Variants in TRIO observed in about 807,000 individuals in gnomAD.
The protein encoded by TRIO is triple functional domain protein.
In TRIO, 58 loss-of-function variants were observed where a neutral mutation model predicts 351.9. The ratio of observed to expected loss-of-function variants is 0.16; its 90% confidence interval spans 0.13 to 0.21. The LOEUF (loss-of-function observed/expected upper bound fraction) is 0.21. Ranked by LOEUF, TRIO falls within the 10% of genes least tolerant of loss-of-function variation. The pLI, the probability that TRIO is intolerant of heterozygous loss-of-function variation, is 1.00. For synonymous variants in TRIO, 1,758 were observed against 1,595.7 expected, an observed-to-expected ratio of 1.10 and a Z score of -2.42; for missense variants, 3,201 against 4,027.8, an observed-to-expected ratio of 0.79 and a Z score of 5.56.
Position 14,498,555 on chromosome 5 carries a change from G to A in TRIO, c.8247G>A (p.Val2749=). The part of the protein sequence containing the change: ...LGEATLKIVG[V]TTEDDGIYTC... ...AGGCCACGCTGAAGATTGTGGGCGT[G>A]ACCACGGAAGATGACGGCATCTACA... The change falls in exon 53 of 57, where the codon GTG becomes GTA. Residue 2749 remains valine (V), a synonymous_variant. Transcript: ENST00000344204. The A allele has an allele frequency of 6.2e-7, 1 of 1,613,806 alleles. No individual in the cohort carries two copies. The highest frequency in any genetic ancestry group is 8.5e-7 in the Non-Finnish European group (1 of 1,179,924).
intron 1 of TRIO, among the ~76,000 whole-genome samples, chr5:14,217,722 G>A (rs760705442): frequency 6.6e-6 from 1 of 152,156 alleles, no homozygotes; most frequent in Non-Finnish European, 1.5e-5. Context: ...GGCACTTGCT[G>A]CAGCCCTGTG....
Position 14,487,556 on chromosome 5 carries a change from G to C in TRIO, c.6928G>C (p.Gly2310Arg). The C allele has an allele frequency of 5.5e-6, 6 of 1,092,434 alleles. No individual in the cohort carries two copies. Among genetic ancestry groups the C allele is most frequent in the Non-Finnish European group, 6.7e-6 (6 of 890,628 alleles). 67.7% of individuals were successfully genotyped at this position (1,092,434 alleles called of 1,614,324 possible). ...CAGCGGCGGGGGTGGGGGCAGCGGC[G>C]GCGGCGGGGCCCCCAGTGGCGGCAG... Reference protein sequence around the residue: ...GGSGGGGGSGGGGAPSGGSGH... With the variant: ...GGSGGGGGSGRGGAPSGGSGH... The change falls in exon 48 of 57, where the codon GGC (glycine) becomes CGC (arginine). Residue 2310 changes from glycine to arginine, a missense_variant. Physicochemically the swap from Gly to Arg is moderately radical, Grantham distance 125 (BLOSUM62 -2). Transcript: ENST00000344204.
chr5:14,221,228 ATTTTTTTTTCCCAAAATACTGATGC>A (rs1792596919), intron 1 of TRIO, among the ~76,000 whole-genome samples: 1 of 151,564 alleles, frequency 6.6e-6, no homozygotes, highest in African/African-American at 2.4e-5. Context: ...AGGAAAAAAG[ATTTTTTTTTCCCAAAATACTGATGC>A]TCATTGACAA....
chr5:14,162,662 AT>A (rs1788539763), intron 1 of TRIO, among the ~76,000 whole-genome samples: 1 of 152,212 alleles, frequency 6.6e-6, no homozygotes, highest in African/African-American at 2.4e-5. Flanking sequence ...GTCAGGGATC[AT>A]TTTTATATCC....
intron 37 of TRIO, 85 bp downstream of exon 37, chr5:14,465,725 C>T (rs1191596589): frequency 7.0e-7 from 1 of 1,437,188 alleles, no homozygotes; most frequent in African/African-American, 1.4e-5. Flanking sequence ...CTTTGTATTG[C>T]TCTGGGCTGC....
intron 56 of TRIO, among the ~76,000 whole-genome samples, chr5:14,507,601 C>T (rs1189029561): frequency 6.6e-6 from 1 of 151,910 alleles, no homozygotes; most frequent in Non-Finnish European, 1.5e-5. Context: ...GGAAAATGAA[C>T]ACCCAGCTTC....
intron 1 of TRIO, among the ~76,000 whole-genome samples, chr5:14,266,445 C>G (rs1795683866): frequency 6.6e-6 from 1 of 152,090 alleles, no homozygotes; most frequent in Non-Finnish European, 1.5e-5. Flanking sequence ...ATTGGCTGAT[C>G]TAGAGAAAAA....
At chr5:14,390,144 G>C (rs1746924890) in intron 25 of TRIO, 87 bp from the exon 26 acceptor site, 2 of 1,201,964 alleles carry the variant, frequency 1.7e-6, no homozygotes, top group Admixed American at 2.0e-5. Flanking sequence ...TCTTTAGGGG[G>C]CACAGATTTC....
At chr5:14,292,916 G>A in intron 5 of TRIO, 96 bp from the exon 6 acceptor site, 1 of 1,553,626 alleles carries the variant, frequency 6.4e-7, no homozygotes, top group Admixed American at 1.8e-5. Flanking sequence ...GTCCAGGGAA[G>A]GAAGTTGCCC....
intron 17 of TRIO, among the ~76,000 whole-genome samples, 185 bp downstream of exon 17, chr5:14,369,084 C>G (rs1276775511): frequency 2.0e-5 from 3 of 152,128 alleles, no homozygotes; most frequent in Non-Finnish European, 4.4e-5. Flanking sequence ...AGGTAATAAG[C>G]TAGAAAGTAG....
chr5:14,244,950 G>A (rs1794344590), intron 1 of TRIO, among the ~76,000 whole-genome samples: 1 of 152,200 alleles, frequency 6.6e-6, no homozygotes, highest in South Asian at 2.1e-4. Flanking sequence ...GGAAAAGAGA[G>A]TCTGAGACAG....
At position 14,497,811 on chromosome 5, in the gene TRIO, A is replaced by G. The variant is rs965292431; in HGVS notation, c.8020-36A>G. 10 of 1,613,864 alleles carry G rather than the reference A, an allele frequency of 6.2e-6. No homozygotes were observed. Among genetic ancestry groups the G allele is most frequent in the Non-Finnish European group, 8.5e-6 (10 of 1,179,838 alleles). On this transcript the variant is annotated intron_variant, in intron 50 of 56. Transcript: ENST00000344204. The surrounding 1 kb of genome is among the most constrained non-coding windows in gnomAD (Gnocchi z 4.4). ...AAAGGAATACACCTTAAAGTAGCTC[A>G]TTTCAGTTAATGCTTGTTTGCTGTT...
intron 33 of TRIO, among the ~76,000 whole-genome samples, chr5:14,408,865 CT>C (rs199506382): frequency 3.3e-5 from 5 of 150,486 alleles, no homozygotes; most frequent in Non-Finnish European, 5.9e-5. Context: ...AAAGTTTATT[CT>C]TTTTTTAAAA....
chr5:14,488,676 TTTTA>T lies in TRIO; in HGVS notation c.7632+418_7632+421del, dbSNP rs1275883775. The T allele has an allele frequency of 5.5e-6, 3 of 547,096 alleles. No individual in the cohort carries two copies. The East Asian group carries it at 9.2e-5, about 17-fold the overall frequency. 33.9% of individuals were successfully genotyped at this position (547,096 alleles called of 1,614,324 possible). A position where few individuals can be genotyped will look rare whatever the true frequency, so the allele number is the denominator to read the frequency against. On this transcript the variant is annotated intron_variant, in intron 48 of 56. Transcript: ENST00000344204. ...TTTTGCTCATCGCTTGGTTTTGCTC[TTTTA>T]TGCCTTAAATTATCTTTGCGGCATT...
At chr5:14,337,691 G>A (rs1741552152) in intron 11 of TRIO, among the ~76,000 whole-genome samples, 1 of 152,200 alleles carries the variant, frequency 6.6e-6, no homozygotes, top group Admixed American at 6.5e-5. Flanking sequence ...TTCCTTTAAA[G>A]GAAAAGAACG....
intron 6 of TRIO, among the ~76,000 whole-genome samples, chr5:14,293,940 C>A (rs1303543221): frequency 6.6e-6 from 1 of 151,910 alleles, no homozygotes; most frequent in Non-Finnish European, 1.5e-5. Context: ...ACTCTTAAAC[C>A]TTGTAACGTT....
chr5:14,481,132 C>T (rs1755479775), intron 43 of TRIO, 102 bp from the exon 44 acceptor site: 1 of 1,288,726 alleles, frequency 7.8e-7, no homozygotes, highest in African/African-American at 1.5e-5. Flanking sequence ...TCAAGACCAG[C>T]TTGAGTAACA....
At chr5:14,298,237 A>G (rs1318678643) in intron 7 of TRIO, among the ~76,000 whole-genome samples, 2 of 152,122 alleles carry the variant, frequency 1.3e-5, no homozygotes, top group African/African-American at 4.8e-5. Context: ...CACTCCCCAT[A>G]CCTCCATTTA....
chr5:14,143,627 T>G lies in TRIO; in HGVS notation c.-99T>G. On this transcript the variant is annotated 5_prime_UTR_variant, in exon 1 of 57. Transcript: ENST00000344204. ...CGTCCGCGCGCCGGGCGCGGGCAGC[T>G]GGGTGCTCGGCGCCGCCAGGCCCGG... 2.4e-6 allele frequency: 1 copy of G among 423,962 alleles called. No individual in the cohort carries two copies. Among genetic ancestry groups the G allele is most frequent in the Non-Finnish European group, 3.1e-6 (1 of 320,524 alleles). The allele number at this position is 423,962 out of a possible 1,614,324, so 26.3% of individuals were successfully genotyped here.
Sources: gnomAD v4.1 joint callset for allele counts (sites outside exome capture counted in the v4.1 genomes callset) on GRCh38, gnomAD v4.1.1 for gene constraint, Gnocchi (gnomAD v3.1) non-coding constraint, MANE v1.5 for transcripts, NCBI Gene and HGNC (gene_info 2026-07-23, HGNC 2026-07-21) for gene names.